Variants in LGSN observed in about 807,000 individuals in gnomAD.
LGSN encodes lengsin.
A neutral mutation model predicts 19.5 loss-of-function variants in LGSN; 21 were observed. That is an observed-to-expected ratio of 1.07 (90% CI 0.76 to 1.55). The LOEUF (loss-of-function observed/expected upper bound fraction) is 1.55. LGSN is among the 40% of genes most tolerant of loss of function. The pLI is 0.00. For synonymous variants in LGSN, 257 were observed against 215.6 expected, an observed-to-expected ratio of 1.19 and a Z score of -1.68; for missense variants, 673 against 608.5, an observed-to-expected ratio of 1.11 and a Z score of -1.12.
At chr6:63,373,344 T>C in the LGSN span, among the ~76,000 whole-genome samples, 4 of 152,334 alleles carry the variant, frequency 2.6e-5, no homozygotes, top group East Asian at 7.7e-4. Context: ...TGACGTCATG[T>C]TAACCCAGTA....
chr6:63,415,744 A>G, the LGSN span, among the ~76,000 whole-genome samples: 18 of 152,192 alleles, frequency 1.2e-4, no homozygotes, highest in Admixed American at 2.0e-4. Context: ...TAAAAGTCAA[A>G]AGAGCTTCTC....
chr6:63,353,071 G>A, the LGSN span, among the ~76,000 whole-genome samples: 2 of 152,124 alleles, frequency 1.3e-5, no homozygotes, highest in Admixed American at 6.6e-5. Flanking sequence ...GCCATTTTAG[G>A]AAATAATTGG....
the LGSN span, among the ~76,000 whole-genome samples, chr6:63,412,474 G>GGAAGGA: frequency 1.0e-5 from 1 of 96,730 alleles, no homozygotes; most frequent in Non-Finnish European, 2.0e-5. Context: ...AAAAGAGAGA[G>GGAAGGA]AAGAAAGAGA....
chr6:63,383,806 A>C, the LGSN span, among the ~76,000 whole-genome samples: 6 of 152,204 alleles, frequency 3.9e-5, no homozygotes, highest in Non-Finnish European at 8.8e-5. Flanking sequence ...CCCATTTTAC[A>C]AATAAAGATC....
chr6:63,458,616 A>G, the LGSN span, among the ~76,000 whole-genome samples: 1 of 151,898 alleles, frequency 6.6e-6, no homozygotes, highest in Admixed American at 6.6e-5. Context: ...AAAGTTACCC[A>G]AACATTCTCG....
chr6:63,476,248 G>T, the LGSN span, among the ~76,000 whole-genome samples: 1 of 152,146 alleles, frequency 6.6e-6, no homozygotes. Context: ...TTCAGATTGT[G>T]TTCTCCTATC....
At chr6:63,395,358 C>G in the LGSN span, 1 of 152,170 alleles carries the variant, frequency 6.6e-6, no homozygotes, top group Non-Finnish European at 1.5e-5. Flanking sequence ...TGTAAGGATC[C>G]TAGGGTATTG....
At chr6:63,348,876 C>G in the LGSN span, among the ~76,000 whole-genome samples, 1 of 151,534 alleles carries the variant, frequency 6.6e-6, no homozygotes. Flanking sequence ...CAGGCATGAG[C>G]CACCACACCT....
chr6:63,525,121 G>T, the LGSN span, among the ~76,000 whole-genome samples: 1 of 152,154 alleles, frequency 6.6e-6, no homozygotes, highest in Non-Finnish European at 1.5e-5. Context: ...TGTTTCAAAG[G>T]TGAAGATTTC....
chr6:63,401,962 G>A, the LGSN span, among the ~76,000 whole-genome samples: 2 of 152,236 alleles, frequency 1.3e-5, no homozygotes, highest in African/African-American at 4.8e-5. Flanking sequence ...ACGAGCAACT[G>A]TAAGCAGCCA....
the LGSN span, among the ~76,000 whole-genome samples, chr6:63,485,437 G>A: frequency 3.3e-5 from 5 of 152,094 alleles, no homozygotes; most frequent in African/African-American, 9.7e-5. Context: ...GTCTATCTTC[G>A]ATGGGCATTT....
the LGSN span, among the ~76,000 whole-genome samples, chr6:63,459,265 A>G: frequency 6.6e-6 from 1 of 152,214 alleles, no homozygotes; most frequent in Non-Finnish European, 1.5e-5. Context: ...GTTTAACTGA[A>G]TACTCCAATT....
the LGSN span, among the ~76,000 whole-genome samples, chr6:63,531,667 T>G: frequency 2.0e-5 from 3 of 152,038 alleles, no homozygotes; most frequent in African/African-American, 7.2e-5. Flanking sequence ...TATTTCATAC[T>G]TTTTTGTAGG....
the LGSN span, among the ~76,000 whole-genome samples, chr6:63,341,401 C>A: frequency 1.3e-5 from 2 of 152,214 alleles, no homozygotes; most frequent in African/African-American, 4.8e-5. Flanking sequence ...CGCTCCCAAA[C>A]AATGTGTGTG....
rs775750913 is a variant in LGSN, at chr6:63,319,447, A to G, written c.30+467T>C. Among the ~76,000 whole-genome samples, 10 of 152,192 alleles carry G rather than the reference A, an allele frequency of 6.6e-5. No individual in the cohort carries two copies. In the South Asian group the frequency reaches 2.1e-3, roughly 31 times the overall value. Reference sequence around the variant, plus strand: ...TATGTTGACAACTGATTATTTTAATATATGCTAGACCCTATAAGTGGCTAT... The same window carrying G: ...TATGTTGACAACTGATTATTTTAATGTATGCTAGACCCTATAAGTGGCTAT... On this transcript the variant is annotated intron_variant, in intron 1 of 3. Transcript: ENST00000370657.
intron 1 of LGSN, among the ~76,000 whole-genome samples, chr6:63,317,538 A>G (rs973242164): frequency 1.3e-5 from 2 of 152,232 alleles, no homozygotes; most frequent in Non-Finnish European, 2.9e-5. Context: ...TAATTATAAA[A>G]TGAACTATAA....
the LGSN span, among the ~76,000 whole-genome samples, chr6:63,541,198 C>T: frequency 2.0e-5 from 3 of 152,144 alleles, no homozygotes; most frequent in Non-Finnish European, 4.4e-5. Context: ...AGCAGGTTTT[C>T]TTCTTCCATT....
the LGSN span, chr6:63,550,254 T>G: frequency 6.6e-6 from 1 of 152,028 alleles, no homozygotes; most frequent in Non-Finnish European, 1.5e-5. Context: ...AATGGCAGTG[T>G]GAAAAAAAGA....
chr6:63,560,652 C>T, the LGSN span, among the ~76,000 whole-genome samples: 1 of 152,092 alleles, frequency 6.6e-6, no homozygotes, highest in Non-Finnish European at 1.5e-5. Flanking sequence ...GATCTGCCCA[C>T]CTCAGCCTCC....
Sources: gnomAD v4.1 joint callset for allele counts (sites outside exome capture counted in the v4.1 genomes callset) on GRCh38, gnomAD v4.1.1 for gene constraint, MANE v1.5 for transcripts, NCBI Gene and HGNC (gene_info 2026-07-23, HGNC 2026-07-21) for gene names.